LZTR1: variants seen among roughly 807,000 people sequenced by gnomAD.
The protein encoded by LZTR1 is leucine zipper like post translational regulator 1.
Under a neutral mutation model 105.7 loss-of-function variants are expected in LZTR1, and 260 were observed. The observed-to-expected ratio is 2.46, with a 90% CI of 2.22 to 2.72. The LOEUF (loss-of-function observed/expected upper bound fraction) is 2.72, where lower values mean the gene tolerates loss of function less well. Among genes scored for constraint, LZTR1 ranks in the 30% most tolerant of loss-of-function variants. The probability of loss-of-function intolerance (pLI) is 0.00; values close to 1 mark genes in which losing one functional copy is unlikely to be tolerated. For synonymous variants in LZTR1, 490 were observed against 476.4 expected (o/e 1.03, Z -0.37); for missense variants, 1,214 against 1,166.9 (o/e 1.04, Z -0.59).
In LZTR1 at chr22:20,998,879, G is replaced by A. The variant is rs995853109; in HGVS notation, c.*1531G>A. 1 of 152,284 alleles carries A rather than the reference G, an allele frequency of 6.6e-6. No individual in the cohort carries two copies. Among genetic ancestry groups the A allele is most frequent in the Non-Finnish European group, 1.5e-5 (1 of 68,104 alleles). The allele number at this position is 152,284 out of a possible 1,614,324, so 9.4% of individuals were successfully genotyped here. The stretch of plus-strand genomic sequence containing the variant: ...AGATGTGGCTCCTGCCACACCCACA[G>A]GGCAGCCTCCTCCAAATCCCTCCTG... On this transcript the variant is annotated 3_prime_UTR_variant, in exon 21 of 21. Transcript: ENST00000646124.
At chr22:20,988,756 C>T (rs758307392) in intron 5 of LZTR1, 33 bp from the exon 6 acceptor site, 1 of 1,561,394 alleles carries the variant, frequency 6.4e-7, no homozygotes, top group South Asian at 1.1e-5. Flanking sequence ...TGCTGGGCGG[C>T]CTCACTCCCT....
chr22:20,988,072 T>C lies in LZTR1; in HGVS notation c.463T>C (p.Tyr155His). 6.2e-7 allele frequency: 1 copy of C among 1,613,726 alleles called. No homozygotes were observed. The highest frequency in any genetic ancestry group is 8.5e-7 in the Non-Finnish European group (1 of 1,179,650). ...GAAGAATAAAAACGACCTCTTTGAA[T>C]ACAAGTTTGCAACTGGCCAGTGGAC... ...NLKNKNDLFE[Y>H]KFATGQWTEW... Residue 155 changes from tyrosine to histidine, a missense_variant, in exon 5 of 21, where the codon TAC becomes CAC. Coordinates refer to ENST00000646124, the MANE Select transcript of LZTR1 (RefSeq NM_006767.4).
Position 20,990,243 on chromosome 22 carries a change from G to A in LZTR1, c.652-143G>A, listed in dbSNP as rs1053526906. 9 of 930,794 alleles carry A rather than the reference G, an allele frequency of 9.7e-6. No homozygotes were observed. The East Asian group carries it at 2.2e-4, about 22-fold the overall frequency. 57.7% of individuals were successfully genotyped at this position (930,794 alleles called of 1,614,324 possible). On this transcript the variant is annotated intron_variant, in intron 7 of 20. Coordinates refer to ENST00000646124, the MANE Select transcript of LZTR1 (RefSeq NM_006767.4). ...TGAAGTGGATGAGACAGGGCTATGA[G>A]CTGTTCCAAGACAAAGGAATCTGTG...
chr22:20,986,533 G>A (rs755515154), intron 3 of LZTR1: 1 of 150,314 alleles, frequency 6.7e-6, no homozygotes. Flanking sequence ...ATGACAGATC[G>A]ATAGATAGAT....
In LZTR1 at chr22:20,995,785, G is replaced by A. The variant is rs750582696; in HGVS notation, c.1982G>A (p.Gly661Glu). The change falls in exon 17 of 21, where the codon GGA becomes GAA. Residue 661 changes from glycine to glutamate, a missense_variant. Physicochemically the swap from Gly to Glu is moderately conservative, Grantham distance 98. Transcript: ENST00000646124. The part of the protein sequence containing the change: ...LIQDMKAYLE[G>E]AGAEFCDITL... ...CAGGACATGAAGGCATACCTGGAGGGAGCGGGCGCGGAATTCTGTGACATC... is the reference window on the plus strand; with the variant it reads ...CAGGACATGAAGGCATACCTGGAGGAAGCGGGCGCGGAATTCTGTGACATC... 1.7e-5 allele frequency: 27 copies of A among 1,613,492 alleles called. No individual in the cohort carries two copies. The highest frequency in any genetic ancestry group is 1.9e-5 in the Non-Finnish European group (23 of 1,180,014).
chr22:20,989,755 A>C, intron 7 of LZTR1, 73 bp downstream of exon 7: 1 of 765,150 alleles, frequency 1.3e-6, no homozygotes, highest in Non-Finnish European at 1.8e-6. Flanking sequence ...CAGGTGGAGG[A>C]GGTGAGGGGC....
chr22:20,989,605 A>C lies in LZTR1; in HGVS notation c.594-20A>C. 3 of 1,610,434 alleles carry C rather than the reference A, an allele frequency of 1.9e-6. No individual in the cohort carries two copies. Among genetic ancestry groups the C allele is most frequent in the Non-Finnish European group, 2.5e-6 (3 of 1,176,962 alleles). On this transcript the variant is annotated intron_variant, in intron 6 of 20. Transcript: ENST00000646124. ...TGACCACCAGACCCAAGGGGTCCTC[A>C]CTGGTCTGTCCTAATACAGGTTGAA...
chr22:20,994,769 GC>G (rs1185157837), intron 15 of LZTR1, 42 bp downstream of exon 15: 2 of 1,607,790 alleles, frequency 1.2e-6, no homozygotes, highest in South Asian at 2.2e-5. Flanking sequence ...GGTGGGGTGT[GC>G]TCAGGCTTAG....
In LZTR1 at chr22:20,997,414, T is replaced by A; in HGVS notation, c.*66T>A. 1 of 1,207,222 alleles carries A rather than the reference T, an allele frequency of 8.3e-7. No homozygotes were observed. The highest frequency in any genetic ancestry group is 1.2e-6 in the Non-Finnish European group (1 of 813,620). The allele number at this position is 1,207,222 out of a possible 1,614,324, so 74.8% of individuals were successfully genotyped here. On this transcript the variant is annotated 3_prime_UTR_variant, in exon 21 of 21. Coordinates refer to ENST00000646124, the MANE Select transcript of LZTR1 (RefSeq NM_006767.4). The stretch of plus-strand genomic sequence containing the variant: ...TGCCTGCCCTGCCTACTGAGAAGAC[T>A]ACCGGCTATGCGCATGCCTATGGCA...
Position 20,985,917 on chromosome 22 carries a change from A to G in LZTR1, c.320+20A>G. ...GTGCAGGTGGGTGGCCCCGTGCTCC[A>G]GGGCCCTGCCTTTCCTCCTAGAACA... On this transcript the variant is annotated intron_variant, in intron 3 of 20. Coordinates refer to ENST00000646124, the MANE Select transcript of LZTR1 (RefSeq NM_006767.4). The G allele has an allele frequency of 6.2e-7, 1 of 1,613,288 alleles. No individual in the cohort carries two copies. The highest frequency in any genetic ancestry group is 8.5e-7 in the Non-Finnish European group (1 of 1,179,294).
rs771424110 is a variant in LZTR1, at chr22:20,994,730, G to A, written c.1785+3G>A. The A allele has an allele frequency of 1.9e-6, 3 of 1,610,690 alleles. No individual in the cohort carries two copies. The highest frequency in any genetic ancestry group is 2.5e-6 in the Non-Finnish European group (3 of 1,179,788). The stretch of plus-strand genomic sequence containing the variant: ...GGCTGCAGCTGAGCCAACTCAAGGT[G>A]TGGGGTGGGGTCAGCGCAATCAGGG... On this transcript the variant is annotated splice_donor_region_variant and intron_variant, in intron 15 of 20. Coordinates refer to ENST00000646124, the MANE Select transcript of LZTR1 (RefSeq NM_006767.4).
rs914480146 is a variant in LZTR1, at chr22:20,998,565, G to T, written c.*1217G>T. 1 of 152,370 alleles carries T rather than the reference G, an allele frequency of 6.6e-6. No individual in the cohort carries two copies. Among genetic ancestry groups the T allele is most frequent in the Non-Finnish European group, 1.5e-5 (1 of 68,186 alleles). 9.4% of individuals were successfully genotyped at this position (152,370 alleles called of 1,614,324 possible). On this transcript the variant is annotated 3_prime_UTR_variant, in exon 21 of 21. Coordinates refer to ENST00000646124, the MANE Select transcript of LZTR1 (RefSeq NM_006767.4). ...CTCCTTTGGGTGTATGCAGGTGTGTGGGGGGCCCTGAGTGGCAAGTTGCTT... is the reference window on the plus strand; with the variant it reads ...CTCCTTTGGGTGTATGCAGGTGTGTTGGGGGCCCTGAGTGGCAAGTTGCTT...
chr22:20,994,363 G>T, intron 14 of LZTR1, 94 bp downstream of exon 14: 1 of 1,429,192 alleles, frequency 7.0e-7, no homozygotes, highest in Non-Finnish European at 9.5e-7. Context: ...CCTTACTGAT[G>T]GGCCCCCTGA....
chr22:20,994,466 C>T, intron 14 of LZTR1, 92 bp from the exon 15 acceptor site: 1 of 1,423,984 alleles, frequency 7.0e-7, no homozygotes, highest in Non-Finnish European at 9.6e-7. Context: ...CCTAGTGGCC[C>T]CAGCCCACAC....
At chr22:20,994,419 C>G (rs923088134) in intron 14 of LZTR1, 139 bp from the exon 15 acceptor site, 8 of 1,244,198 alleles carry the variant, frequency 6.4e-6, no homozygotes, top group African/African-American at 5.9e-5. Flanking sequence ...ATCACTGCAG[C>G]TGGACGCCAT....
intron 6 of LZTR1, 52 bp from the exon 7 acceptor site, chr22:20,989,573 C>G (rs1924520156): frequency 6.8e-7 from 1 of 1,464,060 alleles, no homozygotes; most frequent in Admixed American, 1.7e-5. Context: ...CAGGACTAGG[C>G]CCACCCTGAC....
rs200296313 is a variant in LZTR1 at position 20,993,924 on chromosome 22, A to G, written c.1354A>G (p.Lys452Glu). The change falls in exon 13 of 21, where the codon AAG becomes GAG. Residue 452 changes from lysine to glutamate, a missense_variant and splice_region_variant. Coordinates refer to ENST00000646124, the MANE Select transcript of LZTR1 (RefSeq NM_006767.4). The part of the protein sequence containing the change: ...FCDVEFVLGE[K>E]EECVQGHVAI... ...TGCCAGTGCATCATTCTTTGTGCAG[A>G]AGGAGGAGTGCGTGCAGGGCCACGT... The G allele has an allele frequency of 1.2e-4, 188 of 1,611,526 alleles. No homozygotes were observed. Among genetic ancestry groups the G allele is most frequent in the Non-Finnish European group, 1.6e-4 (185 of 1,179,676 alleles).
intron 2 of LZTR1, among the ~76,000 whole-genome samples, chr22:20,984,879 G>A (rs1924324890): frequency 6.6e-6 from 1 of 152,166 alleles, no homozygotes; most frequent in Non-Finnish European, 1.5e-5. Context: ...GTTAGGTGGT[G>A]CAATGGCCAG....
intron 5 of LZTR1, 77 bp downstream of exon 5, chr22:20,988,195 C>T (rs1601717438): frequency 3.3e-6 from 3 of 922,788 alleles, no homozygotes; most frequent in Non-Finnish European, 5.3e-6. Flanking sequence ...CCCCTTTTGC[C>T]TCCCAGATGA....
Sources: gnomAD v4.1 joint callset for allele counts (sites outside exome capture counted in the v4.1 genomes callset) on GRCh38, gnomAD v4.1.1 for gene constraint, MANE v1.5 for transcripts, NCBI Gene and HGNC (gene_info 2026-07-23, HGNC 2026-07-21) for gene names.